Variants in TRAPPC9 observed in about 807,000 individuals in gnomAD.
TRAPPC9 encodes IKK2 binding protein.
A neutral mutation model predicts 124.0 loss-of-function variants in TRAPPC9; 83 were observed. The ratio of observed to expected loss-of-function variants is 0.67; its 90% CI spans 0.56 to 0.80. TRAPPC9 has a LOEUF of 0.80. TRAPPC9 is among the 30% of genes least tolerant of loss of function. The probability of loss-of-function intolerance (pLI) is 0.00; values close to 1 mark genes in which losing one functional copy is unlikely to be tolerated. For synonymous variants in TRAPPC9, 638 were observed against 617.5 expected (o/e 1.03, Z -0.49); for missense variants, 1,302 against 1,508.3 (o/e 0.86, Z 2.27).
At chr8:140,272,244 G>A (rs1227736331) in intron 15 of TRAPPC9, among the ~76,000 whole-genome samples, 1 of 146,326 alleles carries the variant, frequency 6.8e-6, no homozygotes, top group Admixed American at 6.8e-5. Context: ...GTAGTGGTGG[G>A]GGTGGGGGTT....
chr8:139,796,006 A>AGAGGAGGATGAG (rs997758398), intron 21 of TRAPPC9, among the ~76,000 whole-genome samples: 2 of 150,576 alleles, frequency 1.3e-5, no homozygotes, highest in Admixed American at 1.3e-4. Flanking sequence ...TGGTGGAGGA[A>AGAGGAGGATGAG]GAGGAGGATG....
intron 2 of TRAPPC9, among the ~76,000 whole-genome samples, chr8:140,439,696 G>A (rs1312266635): frequency 6.6e-6 from 1 of 152,164 alleles, no homozygotes; most frequent in Admixed American, 6.5e-5. Context: ...GGCCTGGGGT[G>A]CTCACTAACA....
intron 21 of TRAPPC9, among the ~76,000 whole-genome samples, chr8:139,743,053 G>A (rs1271287290): frequency 3.3e-5 from 5 of 152,226 alleles, no homozygotes; most frequent in Admixed American, 6.5e-5. Flanking sequence ...AGGAGAAAAT[G>A]TGGAAGGTGG....
At chr8:139,896,345 C>G (rs1201392612) in intron 20 of TRAPPC9, among the ~76,000 whole-genome samples, 1 of 152,136 alleles carries the variant, frequency 6.6e-6, no homozygotes, top group African/African-American at 2.4e-5. Context: ...AATAGTAGTT[C>G]CTATCATTAT....
At chr8:139,893,787 C>T (rs1193645941) in intron 20 of TRAPPC9, among the ~76,000 whole-genome samples, 1 of 152,236 alleles carries the variant, frequency 6.6e-6, no homozygotes, top group Non-Finnish European at 1.5e-5. Context: ...AGTCGGCACA[C>T]ACAGCCAGTA....
intron 17 of TRAPPC9, among the ~76,000 whole-genome samples, chr8:140,162,982 A>T (rs2061776124): frequency 1.3e-5 from 2 of 152,152 alleles, no homozygotes; most frequent in Admixed American, 6.5e-5. Context: ...ACAGAGCAAG[A>T]CCCTGTCTCA....
At chr8:140,394,169 C>T (rs911366479) in intron 7 of TRAPPC9, among the ~76,000 whole-genome samples, 2 of 152,256 alleles carry the variant, frequency 1.3e-5, no homozygotes, top group Non-Finnish European at 2.9e-5. Context: ...AATTGAGCAG[C>T]ATTAACTTGC....
intron 21 of TRAPPC9, among the ~76,000 whole-genome samples, chr8:139,768,507 G>A (rs1820728232): frequency 6.6e-6 from 1 of 152,206 alleles, no homozygotes; most frequent in Non-Finnish European, 1.5e-5. Context: ...AATAAAATAT[G>A]TACCTGGAAA....
At chr8:140,315,299 T>A (rs775188042) in intron 9 of TRAPPC9, among the ~76,000 whole-genome samples, 9 of 149,364 alleles carry the variant, frequency 6.0e-5, no homozygotes, top group Non-Finnish European at 1.3e-4. Flanking sequence ...ATAAAATAAG[T>A]TCAGTTTCTC....
intron 9 of TRAPPC9, among the ~76,000 whole-genome samples, chr8:140,349,564 C>A (rs114051648): frequency 6.6e-6 from 1 of 152,092 alleles, no homozygotes; most frequent in Non-Finnish European, 1.5e-5. Flanking sequence ...AGCTGCACAT[C>A]GTGGTAACTA....
intron 1 of TRAPPC9, among the ~76,000 whole-genome samples, chr8:140,452,664 T>C (rs2071508330): frequency 6.6e-6 from 1 of 152,110 alleles, no homozygotes; most frequent in Non-Finnish European, 1.5e-5. Flanking sequence ...AAAAATTAAA[T>C]TAGATGACCC....
intron 19 of TRAPPC9, among the ~76,000 whole-genome samples, chr8:139,956,137 C>A (rs1834963014): frequency 6.6e-6 from 1 of 152,102 alleles, no homozygotes; most frequent in Non-Finnish European, 1.5e-5. Context: ...GTGCATTTCA[C>A]CCTACATGGG....
intron 17 of TRAPPC9, among the ~76,000 whole-genome samples, chr8:140,070,408 G>A (rs987530314): frequency 1.3e-5 from 2 of 152,056 alleles, no homozygotes; most frequent in African/African-American, 4.8e-5. Flanking sequence ...TGGAATTAAT[G>A]TAAAAAAATC....
chr8:140,287,365 G>A (rs1474210022), intron 13 of TRAPPC9, among the ~76,000 whole-genome samples: 4 of 152,152 alleles, frequency 2.6e-5, no homozygotes, highest in South Asian at 2.1e-4. Flanking sequence ...GCAGAAAGGA[G>A]ACGAAGCAGA....
chr8:139,916,635 T>C (rs931842902), intron 19 of TRAPPC9: 3 of 152,254 alleles, frequency 2.0e-5, no homozygotes, highest in Non-Finnish European at 2.9e-5. Flanking sequence ...CCAATTTTCA[T>C]GTTTAATTTT....
intron 11 of TRAPPC9, among the ~76,000 whole-genome samples, chr8:140,297,623 C>A (rs370664066): frequency 1.3e-5 from 2 of 152,354 alleles, no homozygotes; most frequent in African/African-American, 4.8e-5. Flanking sequence ...AAAGCCCACA[C>A]GGCTCCTCAG....
In TRAPPC9 at chr8:140,419,827, A is replaced by C. The variant is rs560375503; in HGVS notation, c.886+6788T>G. Among the ~76,000 whole-genome samples, 96 of 152,196 alleles carry C rather than the reference A, an allele frequency of 6.3e-4. 3 individuals carry two copies. The highest frequency in any genetic ancestry group is 5.8e-3 in the Admixed American group (88 of 15,284). ...CGTGAACCCGGAAGGCGGAGCTTGC[A>C]GTGAGCCGAGATTGCGCCACTGCAC... On this transcript the variant is annotated intron_variant, in intron 5 of 22. Transcript: ENST00000438773.
At chr8:140,456,176 A>G (rs2071656557) in intron 1 of TRAPPC9, among the ~76,000 whole-genome samples, 1 of 152,146 alleles carries the variant, frequency 6.6e-6, no homozygotes, top group Admixed American at 6.6e-5. Context: ...TTGGGAGGCC[A>G]AGGCGGGTGG....
intron 21 of TRAPPC9, among the ~76,000 whole-genome samples, chr8:139,824,662 G>A (rs1825497482): frequency 1.3e-5 from 2 of 152,154 alleles, no homozygotes; most frequent in African/African-American, 2.4e-5. Context: ...CCAGGTTCAA[G>A]CGACTCTTGA....
Sources: allele counts gnomAD v4.1 joint callset (sites outside exome capture counted in the v4.1 genomes callset), GRCh38; gene constraint gnomAD v4.1.1; transcripts MANE v1.5; gene names NCBI Gene and HGNC (gene_info 2026-07-23, HGNC 2026-07-21).